Variants in SUMF1 observed in about 807,000 individuals in gnomAD.
The protein encoded by SUMF1 is sulfatase modifying factor 1.
Under a neutral mutation model 47.6 loss-of-function variants are expected in SUMF1, and 48 were observed. The observed-to-expected ratio is 1.01, with a 90% CI of 0.80 to 1.28. SUMF1 has a LOEUF of 1.28. SUMF1 is among the 50% of genes most tolerant of loss of function. The pLI, the probability that SUMF1 is intolerant of heterozygous loss-of-function variation, is 0.00. For missense variants in SUMF1, 571 were observed against 485.4 expected, an observed-to-expected ratio of 1.18 and a Z score of -1.66; for synonymous variants, 230 against 192.1, an observed-to-expected ratio of 1.20 and a Z score of -1.63.
At chr3:4,355,636 G>A (rs1699601175) in intron 8 of SUMF1, among the ~76,000 whole-genome samples, 1 of 152,272 alleles carries the variant, frequency 6.6e-6, no homozygotes, top group African/African-American at 2.4e-5. Context: ...ACAGCTTCTA[G>A]CATTACCCTG....
chr3:4,299,425 G>C (rs773476932), intron 8 of SUMF1, among the ~76,000 whole-genome samples: 1 of 152,202 alleles, frequency 6.6e-6, no homozygotes, highest in Non-Finnish European at 1.5e-5. Context: ...CTGTGAACCC[G>C]AATGTTTAGT....
chr3:4,227,618 G>C (rs550663858), intron 8 of SUMF1, among the ~76,000 whole-genome samples: 22 of 152,210 alleles, frequency 1.4e-4, no homozygotes, highest in African/African-American at 4.8e-4. Flanking sequence ...GGCCTAGCCA[G>C]ACCAGAAAAG....
chr3:4,132,282 G>T (rs773278016), intron 8 of SUMF1, among the ~76,000 whole-genome samples: 10 of 152,140 alleles, frequency 6.6e-5, no homozygotes, highest in Non-Finnish European at 1.3e-4. Context: ...TATGGCTAAA[G>T]AAGTGCAGCT....
chr3:4,124,643 G>A (rs1369282727), intron 8 of SUMF1, among the ~76,000 whole-genome samples: 1 of 151,356 alleles, frequency 6.6e-6, no homozygotes, highest in Non-Finnish European at 1.5e-5. Flanking sequence ...CCTAAAAATA[G>A]TCTTCTCCAA....
chr3:4,060,225 C>T (rs1449467849), intron 9 of SUMF1, among the ~76,000 whole-genome samples: 3 of 152,152 alleles, frequency 2.0e-5, no homozygotes, highest in Non-Finnish European at 4.4e-5. Context: ...GATTTCTGAA[C>T]TTACATGACA....
intron 8 of SUMF1, chr3:4,313,121 A>C (rs772875847): frequency 6.2e-7 from 1 of 1,614,056 alleles, no homozygotes; most frequent in South Asian, 1.1e-5. Flanking sequence ...TGCAGTGACC[A>C]CTGCAGAAAC....
chr3:4,291,024 G>GA (rs1697731005), intron 8 of SUMF1, among the ~76,000 whole-genome samples: 1 of 152,170 alleles, frequency 6.6e-6, no homozygotes, highest in South Asian at 2.1e-4. Flanking sequence ...AGGAGAGGTA[G>GA]TGATACTGCC....
intron 8 of SUMF1, among the ~76,000 whole-genome samples, chr3:4,308,522 T>C (rs1437139867): frequency 6.6e-6 from 1 of 152,144 alleles, no homozygotes. Flanking sequence ...TGACATGGAG[T>C]ACAGCATTAT....
At chr3:4,079,096 T>C (rs1261054024) in intron 8 of SUMF1, among the ~76,000 whole-genome samples, 1 of 152,118 alleles carries the variant, frequency 6.6e-6, no homozygotes, top group African/African-American at 2.4e-5. Context: ...TCACAGTCCC[T>C]GATGAGCAAT....
chr3:4,254,846 A>G (rs1220668351), intron 8 of SUMF1, among the ~76,000 whole-genome samples: 92 of 152,014 alleles, frequency 6.1e-4, no homozygotes, highest in South Asian at 3.3e-3. Context: ...AGGAAAAAAT[A>G]TTAAGGGCAG....
At chr3:4,464,353 T>A (rs2079886154) in intron 1 of SUMF1, among the ~76,000 whole-genome samples, 2 of 151,950 alleles carry the variant, frequency 1.3e-5, no homozygotes, top group African/African-American at 2.4e-5. Context: ...TCTGGACATA[T>A]CCCTCCTATA....
rs187831934 is a variant in SUMF1 at position 4,332,673 on chromosome 3, C to T, written c.1014+43657G>A. ...TGAAAGTTGTATTTTGGAATTTTGG[C>T]TTAGCTTGTTTTCTTAATTAGATTA... On this transcript the variant is annotated intron_variant and NMD_transcript_variant, in intron 8 of 12. Coordinates refer to the SUMF1 transcript ENST00000448413. 1.9e-3 allele frequency among the ~76,000 whole-genome samples: 291 copies of T among 152,198 alleles called. 1 individual carries two copies. Among genetic ancestry groups the T allele is most frequent in the Middle Eastern group, 0.014 (4 of 294 alleles).
intron 8 of SUMF1, among the ~76,000 whole-genome samples, chr3:4,218,451 T>C (rs147312661): frequency 7.9e-4 from 119 of 151,344 alleles, no homozygotes; most frequent in African/African-American, 2.7e-3. Context: ...CATTTCATTG[T>C]GTTTTTTGTG....
chr3:4,429,273 C>T (rs1702163167), intron 3 of SUMF1, among the ~76,000 whole-genome samples: 1 of 152,214 alleles, frequency 6.6e-6, no homozygotes, highest in African/African-American at 2.4e-5. Context: ...TGCGTGTACA[C>T]CCAAGATGAA....
At chr3:4,388,487 A>G (rs1700744586) in intron 7 of SUMF1, among the ~76,000 whole-genome samples, 1 of 152,044 alleles carries the variant, frequency 6.6e-6, no homozygotes, top group South Asian at 2.1e-4. Flanking sequence ...ACAGCATATA[A>G]TTAGGTTGTT....
intron 8 of SUMF1, among the ~76,000 whole-genome samples, chr3:4,074,874 T>G (rs1055266840): frequency 6.6e-6 from 1 of 151,854 alleles, no homozygotes; most frequent in African/African-American, 2.4e-5. Flanking sequence ...CCAGAAAAAG[T>G]CCAGGACCAG....
intron 8 of SUMF1, among the ~76,000 whole-genome samples, chr3:4,169,857 C>T (rs1467566150): frequency 6.6e-6 from 1 of 152,178 alleles, no homozygotes; most frequent in Non-Finnish European, 1.5e-5. Context: ...TATCAAACTT[C>T]AGCACTGCAA....
At chr3:4,217,939 G>T (rs1408728463) in intron 8 of SUMF1, among the ~76,000 whole-genome samples, 1 of 151,926 alleles carries the variant, frequency 6.6e-6, no homozygotes, top group Non-Finnish European at 1.5e-5. Context: ...TCCACAAGTG[G>T]ATGAGAATCT....
intron 8 of SUMF1, chr3:4,303,796 T>C (rs1426867124): frequency 2.1e-6 from 3 of 1,415,414 alleles, no homozygotes; most frequent in East Asian, 3.6e-5. Flanking sequence ...TTTTGTCCAG[T>C]CCTGTCCTCA....
Sources: allele counts gnomAD v4.1 joint callset (sites outside exome capture counted in the v4.1 genomes callset), GRCh38; gene constraint gnomAD v4.1.1; transcripts MANE v1.5; gene names NCBI Gene and HGNC (gene_info 2026-07-23, HGNC 2026-07-21).